SCN11A: variants seen among roughly 807,000 people sequenced by gnomAD.
SCN11A encodes sodium voltage-gated channel alpha subunit 11.
In SCN11A, 122 loss-of-function variants were observed where a neutral mutation model predicts 162.2. That is an observed-to-expected ratio of 0.75 (90% CI 0.65 to 0.87). SCN11A has a LOEUF of 0.87. SCN11A is among the 40% of genes least tolerant of loss of function. SCN11A has a pLI of 0.00. For synonymous variants in SCN11A, 758 were observed against 751.5 expected (o/e 1.01, Z -0.14); for missense variants, 2,015 against 2,181.6 (o/e 0.92, Z 1.52).
At chr3:38,999,007 T>C (rs947197916) in intron 2 of SCN11A, among the ~76,000 whole-genome samples, 2 of 152,006 alleles carry the variant, frequency 1.3e-5, no homozygotes, top group African/African-American at 2.4e-5. Flanking sequence ...TGTATACATA[T>C]GTAACTAACC....
chr3:38,867,230 T>C, intron 27 of SCN11A, 91 bp downstream of exon 27: 3 of 1,264,728 alleles, frequency 2.4e-6, no homozygotes, highest in Non-Finnish European at 2.3e-6. Flanking sequence ...AAAGGCTACT[T>C]TGTATAACAT....
intron 2 of SCN11A, among the ~76,000 whole-genome samples, chr3:38,975,190 A>G (rs1477044021): frequency 6.6e-6 from 1 of 152,076 alleles, no homozygotes; most frequent in Non-Finnish European, 1.5e-5. Context: ...AAAATTTACC[A>G]TTAAAAGATC....
intron 2 of SCN11A, among the ~76,000 whole-genome samples, chr3:38,995,849 A>C (rs2030616179): frequency 1.0e-5 from 1 of 95,656 alleles, no homozygotes. Context: ...ATCTATCTAT[A>C]TTTTGTTTCT....
chr3:38,951,003 C>A (rs1008038781), intron 4 of SCN11A, among the ~76,000 whole-genome samples: 2 of 152,262 alleles, frequency 1.3e-5, no homozygotes. Context: ...GTCCTCACAG[C>A]CCTCGCTCGC....
In SCN11A at chr3:38,876,922, C is replaced by T. The variant is rs148246310; in HGVS notation, c.3393+3028G>A. 3.0e-3 allele frequency among the ~76,000 whole-genome samples: 459 copies of T among 151,400 alleles called. 1 individual carries two copies. The highest frequency in any genetic ancestry group is 4.9e-3 in the Non-Finnish European group (335 of 67,820). ...CACACACGTTTATAGCAGCACAATT[C>T]GCAATTGCAAAAATATGGATTCAGC... On this transcript the variant is annotated intron_variant, in intron 23 of 29. Coordinates refer to ENST00000302328, the MANE Select transcript of SCN11A (RefSeq NM_001349253.2).
At chr3:38,865,886 TA>T (rs1559494593) in intron 27 of SCN11A, among the ~76,000 whole-genome samples, 1 of 152,074 alleles carries the variant, frequency 6.6e-6, no homozygotes, top group Admixed American at 6.6e-5. Context: ...CCCACCAGTC[TA>T]AAAAAGATAA....
chr3:38,958,835 T>C (rs1158616198), intron 3 of SCN11A, among the ~76,000 whole-genome samples: 1 of 152,238 alleles, frequency 6.6e-6, no homozygotes, highest in Non-Finnish European at 1.5e-5. Flanking sequence ...CATTATCTCA[T>C]TTAACCCTCA....
intron 12 of SCN11A, 119 bp from the exon 13 acceptor site, chr3:38,909,313 TCA>T: frequency 1.2e-6 from 1 of 836,796 alleles, no homozygotes; most frequent in South Asian, 1.6e-5. Context: ...ACTGGTGGGC[TCA>T]GTTGACCACA....
rs765136101 is a variant in SCN11A at position 38,907,949 on chromosome 3, CT to C, written c.1472del (p.Lys491SerfsTer5). ...CATTAATTCCCTGGAAAAGACTTACCTTTTTTTGGCAATCTTCATCAGAATC... is the reference window on the plus strand; with the variant it reads ...CATTAATTCCCTGGAAAAGACTTACCTTTTTTGGCAATCTTCATCAGAATC... ...GSDSDEDCQKKPQLLEQTKRL... is the reference protein window; with the variant it reads ...GSDSDEDCQKXPQLLEQTKRL... On this transcript the variant is annotated frameshift_variant and splice_region_variant, in exon 14 of 30. Transcript: ENST00000302328. LOFTEE classifies it high-confidence loss of function. 5 of 1,597,714 alleles carry C rather than the reference CT, an allele frequency of 3.1e-6. No individual in the cohort carries two copies. The highest frequency in any genetic ancestry group is 3.6e-5 in the Admixed American group (2 of 55,238).
chr3:39,047,392 A>T (rs1489823428), intron 1 of SCN11A, among the ~76,000 whole-genome samples: 30 of 152,070 alleles, frequency 2.0e-4, no homozygotes, highest in Admixed American at 2.0e-3. Flanking sequence ...TGGATTAAAA[A>T]CCTAAATATA....
rs1180154947 is a variant in SCN11A at position 38,945,478 on chromosome 3, T to C, written c.421A>G (p.Ile141Val). 6.3e-7 allele frequency: 1 copy of C among 1,592,384 alleles called. No individual in the cohort carries two copies. The highest frequency in any genetic ancestry group is 8.6e-7 in the Non-Finnish European group (1 of 1,164,896). Residue 141 changes from isoleucine to valine, a missense_variant, in exon 7 of 30, where the codon ATC becomes GTC. Coordinates refer to ENST00000302328, the MANE Select transcript of SCN11A (RefSeq NM_001349253.2). ...CCTGTAGCCATGAACACGCAGTTGA[T>C]GATAACGGTGCCGATAATGAACATG... ...FSMFIIGTVI[I>V]NCVFMATGPA...
chr3:38,988,467 C>T (rs2030338391), intron 2 of SCN11A, among the ~76,000 whole-genome samples: 1 of 152,152 alleles, frequency 6.6e-6, no homozygotes, highest in African/African-American at 2.4e-5. Context: ...TGCCTGCCCT[C>T]CACACACCTT....
intron 2 of SCN11A, among the ~76,000 whole-genome samples, chr3:39,008,372 G>C (rs2031033795): frequency 6.6e-6 from 1 of 152,094 alleles, no homozygotes; most frequent in Non-Finnish European, 1.5e-5. Context: ...GCTACTGCAG[G>C]ATATATTCCA....
At chr3:38,930,270 A>C (rs1275974220) in intron 7 of SCN11A, among the ~76,000 whole-genome samples, 1 of 152,230 alleles carries the variant, frequency 6.6e-6, no homozygotes, top group Non-Finnish European at 1.5e-5. Context: ...CAAAGCAGCC[A>C]AGTCCAAGAG....
chr3:38,866,344 A>G (rs201895434), intron 27 of SCN11A, among the ~76,000 whole-genome samples: 21 of 151,788 alleles, frequency 1.4e-4, no homozygotes, highest in African/African-American at 4.1e-4. Flanking sequence ...TCAGCCTCCC[A>G]AGTAGCTGGG....
At chr3:38,950,400 G>C (rs2066595142) in intron 4 of SCN11A, 31 bp from the exon 5 acceptor site, 1 of 1,609,558 alleles carries the variant, frequency 6.2e-7, no homozygotes, top group Admixed American at 1.7e-5. Flanking sequence ...CAGATCCTCA[G>C]AAAGGCCTCA....
At chr3:38,912,337 C>G (rs2065897678) in intron 11 of SCN11A, among the ~76,000 whole-genome samples, 1 of 152,108 alleles carries the variant, frequency 6.6e-6, no homozygotes, top group Non-Finnish European at 1.5e-5. Context: ...TTATCACTCA[C>G]TCACACTGAT....
At chr3:38,896,047 C>CA (rs1367250288) in intron 18 of SCN11A, among the ~76,000 whole-genome samples, 2 of 152,178 alleles carry the variant, frequency 1.3e-5, no homozygotes, top group African/African-American at 4.8e-5. Context: ...CTGCAAGTAA[C>CA]AGACTCAAGC....
At chr3:38,899,573 G>A (rs2065661673) in intron 17 of SCN11A, among the ~76,000 whole-genome samples, 1 of 152,162 alleles carries the variant, frequency 6.6e-6, no homozygotes, top group Non-Finnish European at 1.5e-5. Flanking sequence ...ACAGCTCCAT[G>A]GGAAAAAAAG....
Sources: gnomAD v4.1 joint callset for allele counts (sites outside exome capture counted in the v4.1 genomes callset) on GRCh38, gnomAD v4.1.1 for gene constraint, MANE v1.5 for transcripts, NCBI Gene and HGNC (gene_info 2026-07-23, HGNC 2026-07-21) for gene names.